TMEM41A: variants seen among roughly 807,000 people sequenced by gnomAD.
The protein encoded by TMEM41A is transmembrane protein 41A.
Under a neutral mutation model 25.7 loss-of-function variants are expected in TMEM41A, and 20 were observed. The observed-to-expected ratio is 0.78, with a 90% CI of 0.55 to 1.13. The LOEUF is 1.13. Among genes scored for constraint, TMEM41A ranks in the 50% most tolerant of loss-of-function variants. TMEM41A has a pLI of 0.00. For synonymous variants in TMEM41A, 133 were observed against 139.6 expected, an observed-to-expected ratio of 0.95 and a Z score of 0.33; for missense variants, 299 against 314.3, an observed-to-expected ratio of 0.95 and a Z score of 0.37.
At chr3:185,494,493 TA>T in intron 4 of TMEM41A, 129 bp downstream of exon 4, 1 of 1,068,586 alleles carries the variant, frequency 9.4e-7, no homozygotes, top group Non-Finnish European at 1.3e-6. Context: ...CTTTAGATCA[TA>T]AGGCTTGAAG....
At position 185,490,279 on chromosome 3, in the gene TMEM41A, A is replaced by G. The variant is rs1246023329; in HGVS notation, c.*1258T>C. 6.6e-6 allele frequency: 1 copy of G among 152,194 alleles called. No individual in the cohort carries two copies. The highest frequency in any genetic ancestry group is 1.9e-4 in the East Asian group (1 of 5,202). The allele number at this position is 152,194 out of a possible 1,614,324, so 9.4% of individuals were successfully genotyped here. A position where few individuals can be genotyped will look rare whatever the true frequency, so the allele number is the denominator to read the frequency against. On this transcript the variant is annotated 3_prime_UTR_variant, in exon 5 of 5. Coordinates refer to ENST00000421852, the MANE Select transcript of TMEM41A (RefSeq NM_080652.4). Reference sequence around the variant, plus strand: ...TCTTTGAATTAAAAGATAAATTAAAAGATACAATTGTTTAGTTACTCTAAG... The same window carrying G: ...TCTTTGAATTAAAAGATAAATTAAAGGATACAATTGTTTAGTTACTCTAAG...
At position 185,498,983 on chromosome 3, in the gene TMEM41A, G is replaced by A; in HGVS notation, c.-22C>T. On this transcript the variant is annotated 5_prime_UTR_variant, in exon 1 of 5. Coordinates refer to ENST00000421852, the MANE Select transcript of TMEM41A (RefSeq NM_080652.4). ...GCATGTCGGCTCCGCACCCCGGCCC[G>A]CGGGGCAGCCGAGAAGCTCACTTGC... The A allele has an allele frequency of 6.3e-7, 1 of 1,579,480 alleles. No individual in the cohort carries two copies. The highest frequency in any genetic ancestry group is 1.4e-5 in the African/African-American group (1 of 73,948).
intron 4 of TMEM41A, among the ~76,000 whole-genome samples, chr3:185,492,074 G>A (rs1202525385): frequency 6.6e-6 from 1 of 152,120 alleles, no homozygotes; most frequent in Non-Finnish European, 1.5e-5. Context: ...GGGAGGCCGA[G>A]GTGGATCACC....
At position 185,490,945 on chromosome 3, in the gene TMEM41A, C is replaced by G. The variant is rs1195111754; in HGVS notation, c.*592G>C. 6.6e-6 allele frequency: 1 copy of G among 152,462 alleles called. No individual in the cohort carries two copies. The highest frequency in any genetic ancestry group is 6.5e-5 in the Admixed American group (1 of 15,276). The allele number at this position is 152,462 out of a possible 1,614,324, so 9.4% of individuals were successfully genotyped here. A position where few individuals can be genotyped will look rare whatever the true frequency, so the allele number is the denominator to read the frequency against. On this transcript the variant is annotated 3_prime_UTR_variant, in exon 5 of 5. Coordinates refer to ENST00000421852, the MANE Select transcript of TMEM41A (RefSeq NM_080652.4). Reference sequence around the variant, plus strand: ...CATGAGGCAAATACAACAGGCTATCCCGAACTCCTTATTAGACCACAAAAT... The same window carrying G: ...CATGAGGCAAATACAACAGGCTATCGCGAACTCCTTATTAGACCACAAAAT...
chr3:185,496,521 G>C, intron 2 of TMEM41A: 1 of 396,692 alleles, frequency 2.5e-6, no homozygotes, highest in Non-Finnish European at 4.8e-6. Flanking sequence ...CACCTCCCCT[G>C]CCTCTCTTGG....
chr3:185,496,546 C>T, intron 2 of TMEM41A: 1 of 460,368 alleles, frequency 2.2e-6, no homozygotes, highest in Non-Finnish European at 4.0e-6. Flanking sequence ...GTTTGCTTTT[C>T]TTCTAGTTTC....
At chr3:185,498,038 C>T (rs1335405116) in intron 1 of TMEM41A, among the ~76,000 whole-genome samples, 2 of 151,876 alleles carry the variant, frequency 1.3e-5, no homozygotes, top group African/African-American at 2.4e-5. Flanking sequence ...AGGCGGATTA[C>T]CTGAGGTCAG....
rs1322592569 is a variant in TMEM41A at position 185,498,893 on chromosome 3, C to A, written c.69G>T (p.Thr23=). Residue 23 remains threonine, a synonymous_variant, in exon 1 of 5, where the codon ACG becomes ACT. Transcript: ENST00000421852. ...GCTFALYLLS[T]RLPRGRRLGS... Reference sequence around the variant, plus strand: ...CCAGTCTCCGCCCGCGGGGCAGTCGCGTCGACAGCAAGTACAAGGCGAAGG... The same window carrying A: ...CCAGTCTCCGCCCGCGGGGCAGTCGAGTCGACAGCAAGTACAAGGCGAAGG... The A allele has an allele frequency of 1.9e-6, 3 of 1,606,146 alleles. No homozygotes were observed. The highest frequency in any genetic ancestry group is 2.2e-5 in the South Asian group (2 of 89,546).
rs139393102 is a variant in TMEM41A, at chr3:185,494,651, G to A, written c.546C>T (p.Ile182=). The change falls in exon 4 of 5, where the codon ATC becomes ATT. Residue 182 remains isoleucine (I), a synonymous_variant. Coordinates refer to ENST00000421852, the MANE Select transcript of TMEM41A (RefSeq NM_080652.4). ...TAAGAACTGAGAAGAAGAACTGCACGATGGGAATGTTCAGAATTGGGGCCG... is the reference window on the plus strand; with the variant it reads ...TAAGAACTGAGAAGAAGAACTGCACAATGGGAATGTTCAGAATTGGGGCCG... ...NLSAPILNIP[I]VQFFFSVLIG... is the part of the protein sequence containing the mutation. 6.7e-5 allele frequency: 108 copies of A among 1,610,416 alleles called. No individual in the cohort carries two copies. Among genetic ancestry groups the A allele is most frequent in the Non-Finnish European group, 7.5e-5 (88 of 1,178,624 alleles).
Position 185,490,262 on chromosome 3 carries a change from T to C in TMEM41A, c.*1275A>G, listed in dbSNP as rs928087034. ...CAGAAGCCAAGGTTTCCTCTTTGAATTAAAAGATAAATTAAAAGATACAAT... is the reference window on the plus strand; with the variant it reads ...CAGAAGCCAAGGTTTCCTCTTTGAACTAAAAGATAAATTAAAAGATACAAT... On this transcript the variant is annotated 3_prime_UTR_variant, in exon 5 of 5. Transcript: ENST00000421852. 6.6e-6 allele frequency: 1 copy of C among 151,578 alleles called. No homozygotes were observed. Among genetic ancestry groups the C allele is most frequent in the Non-Finnish European group, 1.5e-5 (1 of 67,968 alleles). The allele number at this position is 151,578 out of a possible 1,614,324, so 9.4% of individuals were successfully genotyped here.
intron 2 of TMEM41A, chr3:185,496,568 C>T: frequency 1.9e-6 from 1 of 523,986 alleles, no homozygotes; most frequent in South Asian, 2.1e-5. Flanking sequence ...GACAAGGAAA[C>T]TGTTTGAGCA....
intron 1 of TMEM41A, among the ~76,000 whole-genome samples, chr3:185,498,080 G>T (rs1433291996): frequency 9.5e-6 from 1 of 105,782 alleles, no homozygotes; most frequent in African/African-American, 4.0e-5. Context: ...AACATAATGA[G>T]ACCCCCCCCC....
Position 185,490,129 on chromosome 3 carries a change from G to T in TMEM41A, c.*1408C>A, listed in dbSNP as rs1433164972. The stretch of plus-strand genomic sequence containing the variant: ...AGGGCTGGTCAGTTTAGGTGCCAAG[G>T]TCCTTCTGTCTTTGGAAGCATTAAT... On this transcript the variant is annotated 3_prime_UTR_variant, in exon 5 of 5. Transcript: ENST00000421852. 6.6e-6 allele frequency: 1 copy of T among 152,174 alleles called. No individual in the cohort carries two copies. The highest frequency in any genetic ancestry group is 1.5e-5 in the Non-Finnish European group (1 of 68,064). 9.4% of individuals were successfully genotyped at this position (152,174 alleles called of 1,614,324 possible).
At position 185,496,854 on chromosome 3, in the gene TMEM41A, A is replaced by C; in HGVS notation, c.247T>G (p.Phe83Val). The C allele has an allele frequency of 1.2e-6, 2 of 1,608,448 alleles. No individual in the cohort carries two copies. The highest frequency in any genetic ancestry group is 1.3e-5 in the African/African-American group (1 of 75,042). Residue 83 changes from phenylalanine (F) to valine (V), a missense_variant, in exon 2 of 5, where the codon TTT (phenylalanine) becomes GTT (valine). Coordinates refer to ENST00000421852, the MANE Select transcript of TMEM41A (RefSeq NM_080652.4). ...AGGAAGCTGGAGCCGGGGATGGCAAAGCCCTGTTTGTAGAGGTAGGCGCCG... is the reference window on the plus strand; with the variant it reads ...AGGAAGCTGGAGCCGGGGATGGCAACGCCCTGTTTGTAGAGGTAGGCGCCG... ...FCGAYLYKQG[F>V]AIPGSSFLNV... is the part of the protein sequence containing the mutation.
intron 3 of TMEM41A, 106 bp from the exon 4 acceptor site, chr3:185,494,867 C>G: frequency 7.6e-7 from 1 of 1,322,278 alleles, no homozygotes; most frequent in Admixed American, 2.3e-5. Flanking sequence ...AATCTGTTCC[C>G]AATTCTTCCA....
At chr3:185,498,084 C>A (rs571884620) in intron 1 of TMEM41A, among the ~76,000 whole-genome samples, 1 of 107,860 alleles carries the variant, frequency 9.3e-6, no homozygotes, top group Admixed American at 9.2e-5. Flanking sequence ...TAATGAGACC[C>A]CCCCCCCGCG....
intron 3 of TMEM41A, 161 bp downstream of exon 3, chr3:185,494,993 T>A: frequency 1.0e-6 from 1 of 998,924 alleles, no homozygotes; most frequent in Non-Finnish European, 1.5e-6. Context: ...TGGGATTTGA[T>A]CCCAGGTCTA....
At position 185,496,926 on chromosome 3, in the gene TMEM41A, G is replaced by C. The variant is rs761717963; in HGVS notation, c.175C>G (p.Arg59Gly). The C allele has an allele frequency of 5.6e-6, 9 of 1,602,652 alleles. No individual in the cohort carries two copies. Among genetic ancestry groups the C allele is most frequent in the East Asian group, 2.2e-5 (1 of 44,558 alleles). ...GCCTGGTGCTCCTTCCGGTACTCTC[G>C]AAGGACCTCAGAGAGCTCCCGCAGC... ...AELRELSEVLREYRKEHQAYV... is the reference protein window; with the variant it reads ...AELRELSEVLGEYRKEHQAYV... The change falls in exon 2 of 5, where the codon CGA becomes GGA. Residue 59 changes from arginine to glycine, a missense_variant. Physicochemically the swap from Arg to Gly is moderately radical, Grantham distance 125. Transcript: ENST00000421852.
Sources: gnomAD v4.1 joint callset for allele counts (sites outside exome capture counted in the v4.1 genomes callset) on GRCh38, gnomAD v4.1.1 for gene constraint, MANE v1.5 for transcripts, NCBI Gene and HGNC (gene_info 2026-07-23, HGNC 2026-07-21) for gene names.